The following ATE1 variants were observed in gnomAD, a reference collection of about 807,000 sequenced individuals.
ATE1 encodes arginyltransferase 1.
A neutral mutation model predicts 70.5 loss-of-function variants in ATE1; 36 were observed. That is an observed-to-expected ratio of 0.51 (90% CI 0.39 to 0.67). The LOEUF is 0.67. Among genes scored for constraint, ATE1 ranks in the 30% least tolerant of loss-of-function variants. The pLI, the probability that ATE1 is intolerant of heterozygous loss-of-function variation, is 0.00. For missense variants in ATE1, 593 were observed against 629.5 expected (o/e 0.94, Z 0.62); for synonymous variants, 232 against 219.3 (o/e 1.06, Z -0.51).
At chr10:121,856,388 G>A (rs1024512783) in intron 8 of ATE1, among the ~76,000 whole-genome samples, 1 of 151,784 alleles carries the variant, frequency 6.6e-6, no homozygotes, top group Admixed American at 6.6e-5. Context: ...AAATTAGCTG[G>A]GTGTGGTGGT....
chr10:121,884,877 T>G (rs1448086651), intron 7 of ATE1, among the ~76,000 whole-genome samples: 10 of 152,096 alleles, frequency 6.6e-5, no homozygotes, highest in Non-Finnish European at 1.5e-5. Flanking sequence ...GACTTAGGAG[T>G]TGCTTAAAGA....
At chr10:121,775,242 G>A (rs1945685056) in intron 11 of ATE1, among the ~76,000 whole-genome samples, 1 of 151,866 alleles carries the variant, frequency 6.6e-6, no homozygotes, top group African/African-American at 2.4e-5. Flanking sequence ...TTTGACCCCA[G>A]TAAAATATAC....
chr10:121,778,564 CTTTTTTTTTTTTTTTT>C (rs71022864), intron 11 of ATE1, among the ~76,000 whole-genome samples: 3 of 57,194 alleles, frequency 5.2e-5, no homozygotes, highest in African/African-American at 7.1e-5. Context: ...ATGTGGCCAG[CTTTTTTTTTTTTTTTT>C]TTTTTTTTTT....
intron 8 of ATE1, among the ~76,000 whole-genome samples, chr10:121,855,172 A>C (rs1949200152): frequency 6.6e-6 from 1 of 152,230 alleles, no homozygotes; most frequent in Non-Finnish European, 1.5e-5. Flanking sequence ...TGCTGTGGAC[A>C]GCTTTTTTCT....
At chr10:121,746,733 AC>A (rs1944387600) in intron 11 of ATE1, among the ~76,000 whole-genome samples, 1 of 149,030 alleles carries the variant, frequency 6.7e-6, no homozygotes, top group South Asian at 2.2e-4. Context: ...AAGTTAGATT[AC>A]ATCCCTTATT....
chr10:121,769,079 T>G (rs2135856771), intron 11 of ATE1, among the ~76,000 whole-genome samples: 1 of 152,192 alleles, frequency 6.6e-6, no homozygotes, highest in South Asian at 2.1e-4. Context: ...GCAAAAGAGC[T>G]ACAATAACGA....
chr10:121,927,363 G>A (rs2134677877), intron 1 of ATE1: 1 of 982,876 alleles, frequency 1.0e-6, no homozygotes. Flanking sequence ...TTAACCCAGA[G>A]ATGCAAAGGG....
At chr10:121,770,398 TA>T (rs1252209323) in intron 11 of ATE1, among the ~76,000 whole-genome samples, 7 of 152,140 alleles carry the variant, frequency 4.6e-5, no homozygotes, top group African/African-American at 1.7e-4. Context: ...TATTTTAACA[TA>T]AAAGTCCCTA....
intron 10 of ATE1, among the ~76,000 whole-genome samples, chr10:121,830,725 G>A (rs980488926): frequency 3.9e-5 from 6 of 152,066 alleles, no homozygotes; most frequent in Non-Finnish European, 8.8e-5. Context: ...AGACCCAAAA[G>A]TATTCCCAAA....
intron 11 of ATE1, among the ~76,000 whole-genome samples, chr10:121,785,589 A>G (rs889466233): frequency 6.6e-6 from 1 of 152,214 alleles, no homozygotes; most frequent in African/African-American, 2.4e-5. Flanking sequence ...AATGATGGGC[A>G]GAGTAGAGAG....
chr10:121,864,385 C>T (rs972215177), intron 8 of ATE1, among the ~76,000 whole-genome samples: 2 of 152,202 alleles, frequency 1.3e-5, no homozygotes, highest in Admixed American at 6.5e-5. Flanking sequence ...GCACATCTGA[C>T]AGGAAGTGGA....
At chr10:121,750,495 T>G (rs1055063769) in intron 11 of ATE1, among the ~76,000 whole-genome samples, 2 of 152,226 alleles carry the variant, frequency 1.3e-5, no homozygotes, top group Admixed American at 6.5e-5. Flanking sequence ...CCATGAAATT[T>G]TAATCTTCAA....
chr10:121,928,335 G>A (rs1191497055), upstream of ATE1: 1 of 1,519,694 alleles, frequency 6.6e-7, no homozygotes, highest in Non-Finnish European at 8.8e-7. Flanking sequence ...CTCCGGCGTC[G>A]GGAACACTCA....
At chr10:121,910,056 A>G (rs1362718281) in intron 5 of ATE1, among the ~76,000 whole-genome samples, 1 of 152,234 alleles carries the variant, frequency 6.6e-6, no homozygotes, top group Non-Finnish European at 1.5e-5. Context: ...ATTAAAAAAT[A>G]AATATTTTCT....
At chr10:121,770,645 G>C (rs1945472889) in intron 11 of ATE1, among the ~76,000 whole-genome samples, 1 of 150,720 alleles carries the variant, frequency 6.6e-6, no homozygotes, top group Non-Finnish European at 1.5e-5. Context: ...TAATAAGTCT[G>C]ACCTGACTTA....
intron 5 of ATE1, among the ~76,000 whole-genome samples, chr10:121,907,342 G>A (rs1477009645): frequency 6.6e-6 from 1 of 152,078 alleles, no homozygotes; most frequent in Non-Finnish European, 1.5e-5. Flanking sequence ...GTGCACACCT[G>A]TAGTCCCAGC....
At chr10:121,872,511 T>A (rs556150781) in intron 7 of ATE1, among the ~76,000 whole-genome samples, 1 of 150,854 alleles carries the variant, frequency 6.6e-6, no homozygotes, top group Admixed American at 6.6e-5. Flanking sequence ...GTAAAACCCA[T>A]TTTTTTTTAT....
At chr10:121,847,986 G>A (rs535082473) in intron 8 of ATE1, among the ~76,000 whole-genome samples, 7 of 151,956 alleles carry the variant, frequency 4.6e-5, no homozygotes, top group South Asian at 4.2e-4. Flanking sequence ...CAAAAGAATC[G>A]CTTGAACCTG....
At chr10:121,785,856 A>C (rs1458270937) in intron 11 of ATE1, among the ~76,000 whole-genome samples, 1 of 152,202 alleles carries the variant, frequency 6.6e-6, no homozygotes, top group Non-Finnish European at 1.5e-5. Context: ...TAGCTAAATT[A>C]AAAATAAATT....
Sources: gnomAD v4.1 joint callset for allele counts (sites outside exome capture counted in the v4.1 genomes callset) on GRCh38, gnomAD v4.1.1 for gene constraint, MANE v1.5 for transcripts, NCBI Gene and HGNC (gene_info 2026-07-23, HGNC 2026-07-21) for gene names.